Variants in SUZ12 observed in about 807,000 individuals in gnomAD.
The protein encoded by SUZ12 is polycomb protein SUZ12.
A neutral mutation model predicts 87.3 loss-of-function variants in SUZ12; 17 were observed. The ratio of observed to expected loss-of-function variants is 0.19; its 90% CI spans 0.13 to 0.29. The LOEUF (loss-of-function observed/expected upper bound fraction) is 0.29. SUZ12 is among the 10% of genes least tolerant of loss of function. The pLI is 1.00. For missense variants in SUZ12, 526 were observed against 912.2 expected (o/e 0.58, Z 5.45); for synonymous variants, 253 against 312.4 (o/e 0.81, Z 2.01).
intron 15 of SUZ12, among the ~76,000 whole-genome samples, chr17:31,997,701 G>A (rs564301198): frequency 6.6e-6 from 1 of 150,444 alleles, no homozygotes; most frequent in African/African-American, 2.5e-5. Flanking sequence ...CACCTTGGTG[G>A]GACCCACGAC....
chr17:31,975,438 C>G, intron 6 of SUZ12, 44 bp from the exon 7 acceptor site: 1 of 1,325,976 alleles, frequency 7.5e-7, no homozygotes, highest in Non-Finnish European at 1.0e-6. Context: ...ATTCTTATTG[C>G]TTATATACAA....
At chr17:31,982,218 C>A (rs1471309875) in intron 8 of SUZ12, among the ~76,000 whole-genome samples, 1 of 152,038 alleles carries the variant, frequency 6.6e-6, no homozygotes, top group African/African-American at 2.4e-5. Context: ...TCCGTAGTTA[C>A]CAGATTCGTC....
At chr17:31,966,007 C>T (rs1368822695) in intron 4 of SUZ12, 140 bp from the exon 5 acceptor site, 3 of 700,004 alleles carry the variant, frequency 4.3e-6, no homozygotes, top group East Asian at 5.6e-5. Context: ...AGCATAGAGT[C>T]ATGGGCCTGA....
chr17:31,942,375 G>T (rs375011087), intron 3 of SUZ12, among the ~76,000 whole-genome samples: 1 of 146,108 alleles, frequency 6.8e-6, no homozygotes, highest in South Asian at 2.2e-4. Flanking sequence ...CACTCTTGTT[G>T]CCCAGGCTGG....
At chr17:31,992,833 T>C (rs1909790745) in intron 10 of SUZ12, among the ~76,000 whole-genome samples, 1 of 152,000 alleles carries the variant, frequency 6.6e-6, no homozygotes, top group Non-Finnish European at 1.5e-5. Context: ...GCCTCCTGAG[T>C]AGCTGGGATT....
chr17:31,960,475 C>T (rs1336831839), intron 4 of SUZ12, among the ~76,000 whole-genome samples: 1 of 151,978 alleles, frequency 6.6e-6, no homozygotes, highest in Non-Finnish European at 1.5e-5. Context: ...TCCCAAAGTG[C>T]TGGGATTACA....
chr17:31,972,896 GA>G (rs1467139826), intron 5 of SUZ12, among the ~76,000 whole-genome samples: 7 of 144,664 alleles, frequency 4.8e-5, no homozygotes, highest in African/African-American at 1.8e-4. Context: ...ATATCTAATG[GA>G]AAAAAAAATT....
At chr17:31,981,626 A>C (rs486842) in intron 8 of SUZ12, among the ~76,000 whole-genome samples, 1 of 152,128 alleles carries the variant, frequency 6.6e-6, no homozygotes, top group Non-Finnish European at 1.5e-5. Flanking sequence ...AAAATAGTTG[A>C]ATGGCTTTGC....
Position 31,995,905 on chromosome 17 carries a change from T to G in SUZ12, c.1794+143T>G, listed in dbSNP as rs568580977. ...TCCGGAAATGTACAGGTTTTAAAAT[T>G]ATGTCACTTTAAAAGTTAACCAAGT... On this transcript the variant is annotated intron_variant, in intron 14 of 15. Coordinates refer to ENST00000322652, the MANE Select transcript of SUZ12 (RefSeq NM_015355.4). 372 of 709,644 alleles carry G rather than the reference T, an allele frequency of 5.2e-4. 1 individual carries two copies. The highest frequency in any genetic ancestry group is 1.6e-4 in the Non-Finnish European group (69 of 440,256). The allele number at this position is 709,644 out of a possible 1,614,324, so 44.0% of individuals were successfully genotyped here. A position where few individuals can be genotyped will look rare whatever the true frequency, so the allele number is the denominator to read the frequency against.
Position 31,988,358 on chromosome 17 carries a change from G to T in SUZ12, c.1062G>T (p.Thr354=). 1 of 1,601,404 alleles carries T rather than the reference G, an allele frequency of 6.2e-7. No individual in the cohort carries two copies. The highest frequency in any genetic ancestry group is 2.3e-5 in the East Asian group (1 of 44,284). Residue 354 remains threonine (T), a synonymous_variant, in exon 10 of 16, where the codon ACG becomes ACT. Coordinates refer to ENST00000322652, the MANE Select transcript of SUZ12 (RefSeq NM_015355.4). ...TCGAAACATTTTCTCAGGGACCTAC[G>T]TTGCAGTTCACTCTTCGTTGGACAG... The part of the protein sequence containing the change: ...PPFETFSQGP[T]LQFTLRWTGE...
intron 10 of SUZ12, among the ~76,000 whole-genome samples, chr17:31,990,997 T>G (rs1288589685): frequency 6.6e-6 from 1 of 152,184 alleles, no homozygotes; most frequent in Non-Finnish European, 1.5e-5. Flanking sequence ...TCTACCTACC[T>G]TAGCATCCCA....
intron 1 of SUZ12, 102 bp downstream of exon 1, chr17:31,937,622 T>A: frequency 1.4e-6 from 2 of 1,455,432 alleles, no homozygotes; most frequent in Non-Finnish European, 1.8e-6. Context: ...TCCACTTGTG[T>A]GGTAGTGGAG....
chr17:31,965,583 C>T (rs1908040839), intron 4 of SUZ12: 1 of 152,160 alleles, frequency 6.6e-6, no homozygotes, highest in Non-Finnish European at 1.5e-5. Flanking sequence ...TTGTGTATTT[C>T]ATTGCTATTT....
At chr17:31,979,095 T>G (rs1243485441) in intron 8 of SUZ12, among the ~76,000 whole-genome samples, 1 of 115,570 alleles carries the variant, frequency 8.7e-6, no homozygotes, top group Non-Finnish European at 1.7e-5. Context: ...ACAGCGAGAC[T>G]GTGTCTCCAA....
rs573242386 is a variant in SUZ12 at position 31,937,094 on chromosome 17, C to T, written c.-153C>T. ...TTTTTTTCCTCCCTCCTTCCCTCCT[C>T]TCCTCCTCCCTTCCCTTCCCCTCTC... is the stretch of plus-strand genomic sequence containing the variant. On this transcript the variant is annotated 5_prime_UTR_variant, in exon 1 of 16. Coordinates refer to ENST00000322652, the MANE Select transcript of SUZ12 (RefSeq NM_015355.4). 1.4e-5 allele frequency: 9 copies of T among 625,106 alleles called. No homozygotes were observed. The South Asian group carries it at 2.6e-4, about 18-fold the overall frequency. The allele number at this position is 625,106 out of a possible 1,614,324, so 38.7% of individuals were successfully genotyped here.
chr17:31,979,503 C>G (rs1419055578), intron 8 of SUZ12, among the ~76,000 whole-genome samples: 1 of 152,214 alleles, frequency 6.6e-6, no homozygotes, highest in African/African-American at 2.4e-5. Flanking sequence ...GTCCCCCTAG[C>G]CTTTCTCCCT....
chr17:31,962,681 C>T (rs1304530636), intron 4 of SUZ12, among the ~76,000 whole-genome samples: 1 of 152,298 alleles, frequency 6.6e-6, no homozygotes, highest in African/African-American at 2.4e-5. Flanking sequence ...GTAAGTGGCA[C>T]CAGAATTCAA....
chr17:31,959,134 C>T (rs1197523561), intron 4 of SUZ12, among the ~76,000 whole-genome samples: 1 of 152,100 alleles, frequency 6.6e-6, no homozygotes, highest in African/African-American at 2.4e-5. Flanking sequence ...TTTGCCTTGA[C>T]TATAAGCTTT....
chr17:31,990,995 C>A (rs1276029575), intron 10 of SUZ12, among the ~76,000 whole-genome samples: 2 of 151,982 alleles, frequency 1.3e-5, no homozygotes, highest in African/African-American at 4.8e-5. Flanking sequence ...AATCTACCTA[C>A]CTTAGCATCC....
Sources: allele counts gnomAD v4.1 joint callset (sites outside exome capture counted in the v4.1 genomes callset), GRCh38; gene constraint gnomAD v4.1.1; transcripts MANE v1.5; gene names NCBI Gene and HGNC (gene_info 2026-07-23, HGNC 2026-07-21).